Variants in IGSF3 observed in about 807,000 individuals in gnomAD.
IGSF3 encodes immunoglobulin superfamily member 3, also known as glu-Trp-Ile EWI motif-containing protein 3.
In IGSF3, 23 loss-of-function variants were observed where a neutral mutation model predicts 114.4. The ratio of observed to expected loss-of-function variants is 0.20; its 90% confidence interval spans 0.14 to 0.28. The LOEUF (loss-of-function observed/expected upper bound fraction) is 0.28. IGSF3 is among the 10% of genes least tolerant of loss of function. IGSF3 has a pLI of 1.00. For missense variants in IGSF3, 1,172 were observed against 1,591.5 expected, an observed-to-expected ratio of 0.74 and a Z score of 4.48; for synonymous variants, 571 against 645.2, an observed-to-expected ratio of 0.88 and a Z score of 1.74.
In IGSF3 at chr1:116,661,754, T is replaced by C. The variant is rs916862949; in HGVS notation, c.43+4530A>G. On this transcript the variant is annotated intron_variant, in intron 2 of 10. Coordinates refer to ENST00000369486, the MANE Select transcript of IGSF3 (RefSeq NM_001007237.3). The surrounding 1 kb of genome is among the most constrained non-coding windows in gnomAD (Gnocchi z 4.0). ...CTGTTCTCTCCTTTCCCTACAGTCA[T>C]AGAATCCCAAGTTTTTCTCAGGACA... is the stretch of plus-strand genomic sequence containing the variant. 6.6e-6 allele frequency among the ~76,000 whole-genome samples: 1 copy of C among 152,218 alleles called. No homozygotes were observed. The highest frequency in any genetic ancestry group is 1.5e-5 in the Non-Finnish European group (1 of 68,042).
intron 2 of IGSF3, among the ~76,000 whole-genome samples, chr1:116,643,631 G>A (rs1648210514): frequency 6.6e-6 from 1 of 152,264 alleles, no homozygotes; most frequent in Non-Finnish European, 1.5e-5. Context: ...ACAAGGATGA[G>A]GAGCAGAAGG....
intron 2 of IGSF3, among the ~76,000 whole-genome samples, chr1:116,630,687 TA>T (rs1647534038): frequency 6.6e-6 from 1 of 152,188 alleles, no homozygotes; most frequent in African/African-American, 2.4e-5. Flanking sequence ...GATAGATAAG[TA>T]AACAGAGGCG....
intron 2 of IGSF3, among the ~76,000 whole-genome samples, chr1:116,631,040 C>T (rs932702605): frequency 3.9e-5 from 6 of 151,946 alleles, no homozygotes; most frequent in Admixed American, 1.3e-4. Context: ...TGGGCTTGGC[C>T]GGGCATGGTG....
rs1476511587 is a variant in IGSF3, at chr1:116,644,241, C to A, written c.43+22043G>T. Among the ~76,000 whole-genome samples, 7 of 152,242 alleles carry A rather than the reference C, an allele frequency of 4.6e-5. No individual in the cohort carries two copies. Among genetic ancestry groups the A allele is most frequent in the Non-Finnish European group, 1.0e-4 (7 of 68,034 alleles). On this transcript the variant is annotated intron_variant, in intron 2 of 10. Transcript: ENST00000369486. This position sits in a 1 kb window ranked among gnomAD's most constrained non-coding sequence, Gnocchi z 5.6. The stretch of plus-strand genomic sequence containing the variant: ...AGCAGAACTGCAACCTGATAGCATC[C>A]CTGTCTGGTTTTGGCTCTTTCAAAA...
At position 116,615,938 on chromosome 1, in the gene IGSF3, T is replaced by G; in HGVS notation, c.421+142A>C. 1.7e-6 allele frequency: 1 copy of G among 605,932 alleles called. No homozygotes were observed. Among genetic ancestry groups the G allele is most frequent in the East Asian group, 2.8e-5 (1 of 36,058 alleles). 37.5% of individuals were successfully genotyped at this position (605,932 alleles called of 1,614,324 possible). ...AAGTGAACACAGAAATTTAGTTTCCTTGTGCTATCTGTTGACCCCTAAAAT... is the reference window on the plus strand; with the variant it reads ...AAGTGAACACAGAAATTTAGTTTCCGTGTGCTATCTGTTGACCCCTAAAAT... On this transcript the variant is annotated intron_variant, in intron 3 of 10. Transcript: ENST00000369486. The surrounding 1 kb of genome is among the most constrained non-coding windows in gnomAD (Gnocchi z 4.3).
intron 2 of IGSF3, among the ~76,000 whole-genome samples, chr1:116,643,940 T>C (rs1418556979): frequency 1.3e-5 from 2 of 152,216 alleles, no homozygotes. Flanking sequence ...CCAGCCAGTC[T>C]ATGCCCTGGT....
intron 2 of IGSF3, among the ~76,000 whole-genome samples, chr1:116,646,430 G>C (rs1388408416): frequency 4.6e-5 from 7 of 152,180 alleles, no homozygotes; most frequent in Admixed American, 1.3e-4. Flanking sequence ...TCTTTTTGAT[G>C]TCTAATTTTA....
At chr1:116,659,598 C>CTT (rs552335742) in intron 2 of IGSF3, among the ~76,000 whole-genome samples, 1 of 146,970 alleles carries the variant, frequency 6.8e-6, no homozygotes, top group Non-Finnish European at 1.5e-5. Flanking sequence ...GAGGAACTCC[C>CTT]TTTTTTTTTT....
intron 4 of IGSF3, among the ~76,000 whole-genome samples, chr1:116,608,865 C>T (rs111598386): frequency 0.01 from 1,525 of 152,218 alleles, 28 homozygotes; most frequent in East Asian, 0.035. Flanking sequence ...CTCTCTACCC[C>T]CCGCCATGTG....
At chr1:116,617,061 C>T (rs547703098) in intron 2 of IGSF3, among the ~76,000 whole-genome samples, 14 of 152,150 alleles carry the variant, frequency 9.2e-5, no homozygotes, top group Non-Finnish European at 2.1e-4. Context: ...AGGCTGCTAT[C>T]GTTTTAAGCT....
chr1:116,609,593 G>A (rs1239106824), intron 4 of IGSF3, among the ~76,000 whole-genome samples: 1 of 152,086 alleles, frequency 6.6e-6, no homozygotes, highest in Non-Finnish European at 1.5e-5. Flanking sequence ...CTGGAGCTGT[G>A]ACCACTGCCC....
At chr1:116,643,722 A>G (rs113232904) in intron 2 of IGSF3, among the ~76,000 whole-genome samples, 2,041 of 152,360 alleles carry the variant, frequency 0.013, 54 homozygotes, top group African/African-American at 0.047. Context: ...GTGTTGTCAC[A>G]GGTGTAGAAA....
At chr1:116,586,407 A>T (rs902535438) in intron 8 of IGSF3, among the ~76,000 whole-genome samples, 1 of 151,102 alleles carries the variant, frequency 6.6e-6, no homozygotes, top group East Asian at 1.9e-4. Context: ...GTGTGTGTGT[A>T]TGTATTTTCC....
intron 4 of IGSF3, among the ~76,000 whole-genome samples, chr1:116,611,844 G>T (rs1373903416): frequency 1.3e-5 from 2 of 151,924 alleles, no homozygotes; most frequent in African/African-American, 2.4e-5. Context: ...TTGGCTCTCA[G>T]GTCTGCCTAA....
chr1:116,658,518 G>T (rs1365641854), intron 2 of IGSF3, among the ~76,000 whole-genome samples: 3 of 151,978 alleles, frequency 2.0e-5, no homozygotes, highest in African/African-American at 7.3e-5. Context: ...CCTGTCTCTA[G>T]CCCAGATACC....
chr1:116,621,075 G>A (rs1661401351), intron 2 of IGSF3, among the ~76,000 whole-genome samples: 1 of 152,178 alleles, frequency 6.6e-6, no homozygotes, highest in South Asian at 2.1e-4. Context: ...TTTTGGTGCT[G>A]TGCTTGTTAG....
rs1186309529 is a variant in IGSF3, at chr1:116,596,954, C to T, written c.2029+2987G>A. 1.3e-5 allele frequency among the ~76,000 whole-genome samples: 2 copies of T among 152,232 alleles called. No homozygotes were observed. Among genetic ancestry groups the T allele is most frequent in the African/African-American group, 4.8e-5 (2 of 41,456 alleles). On this transcript the variant is annotated intron_variant, in intron 7 of 10. Coordinates refer to ENST00000369486, the MANE Select transcript of IGSF3 (RefSeq NM_001007237.3). This position sits in a 1 kb window ranked among gnomAD's most constrained non-coding sequence, Gnocchi z 4.1. ...GCTACTGTTGTTACTACCAGTAACACTAGTGCTATAACTCCTCCACATCAT... is the reference window on the plus strand; with the variant it reads ...GCTACTGTTGTTACTACCAGTAACATTAGTGCTATAACTCCTCCACATCAT...
Position 116,666,688 on chromosome 1 carries a change from T to G in IGSF3, c.-362A>C, listed in dbSNP as rs1415374220. ...TGAGAAAATCCTTTCATCCACTGAT[T>G]ATACAGAAATGTCCTTGGCTTCTCA... On this transcript the variant is annotated 5_prime_UTR_variant, in exon 2 of 11. Transcript: ENST00000369486. 3.7e-6 allele frequency: 2 copies of G among 540,040 alleles called. No individual in the cohort carries two copies. The highest frequency in any genetic ancestry group is 6.5e-6 in the Non-Finnish European group (2 of 309,482). 33.5% of individuals were successfully genotyped at this position (540,040 alleles called of 1,614,324 possible). A position where few individuals can be genotyped will look rare whatever the true frequency, so the allele number is the denominator to read the frequency against.
At chr1:116,619,503 T>G (rs1229930901) in intron 2 of IGSF3, among the ~76,000 whole-genome samples, 1 of 152,218 alleles carries the variant, frequency 6.6e-6, no homozygotes, top group Non-Finnish European at 1.5e-5. Flanking sequence ...AAATACCTCC[T>G]TAATTTCCCT....
Sources: gnomAD v4.1 joint callset for allele counts (sites outside exome capture counted in the v4.1 genomes callset) on GRCh38, gnomAD v4.1.1 for gene constraint, Gnocchi (gnomAD v3.1) non-coding constraint, MANE v1.5 for transcripts, NCBI Gene and HGNC (gene_info 2026-07-23, HGNC 2026-07-21) for gene names.